Variants in ARHGAP28 observed in about 807,000 individuals in gnomAD.
ARHGAP28 encodes rho GTPase-activating protein 28.
A neutral mutation model predicts 90.7 loss-of-function variants in ARHGAP28; 56 were observed. That is an observed-to-expected ratio of 0.62 (90% CI 0.50 to 0.77). The LOEUF is 0.77. Ranked by LOEUF, ARHGAP28 falls within the 30% of genes least tolerant of loss-of-function variation. ARHGAP28 has a pLI of 0.00. For missense variants in ARHGAP28, 869 were observed against 900.9 expected (o/e 0.96, Z 0.45); for synonymous variants, 308 against 323.3 (o/e 0.95, Z 0.51).
At chr18:6,839,370 T>G (rs985919613) in intron 3 of ARHGAP28, among the ~76,000 whole-genome samples, 3 of 149,834 alleles carry the variant, frequency 2.0e-5, no homozygotes, top group African/African-American at 4.9e-5. Flanking sequence ...CTCGGCTCAC[T>G]GCAAGCTCCG....
chr18:6,868,201 G>C lies in ARHGAP28; in HGVS notation c.778G>C (p.Glu260Gln), dbSNP rs1175364088. ...ACCAGTTCATTCCAATGGATCACCG[G>C]AGCCTGGACAGCCAGTTCAGAATGC... ...VLPVHSNGSP[E>Q]PGQPVQNAIS... The change falls in exon 6 of 18, where the codon GAG becomes CAG. Residue 260 changes from glutamate (E) to glutamine (Q), a missense_variant. Glu to Gln is a conservative substitution (Grantham distance 29). Coordinates refer to ENST00000383472, the MANE Select transcript of ARHGAP28 (RefSeq NM_001366230.1). 1 of 1,614,136 alleles carries C rather than the reference G, an allele frequency of 6.2e-7. No homozygotes were observed. The highest frequency in any genetic ancestry group is 8.5e-7 in the Non-Finnish European group (1 of 1,180,008).
At chr18:6,801,829 G>A (rs916897550) in intron 1 of ARHGAP28, among the ~76,000 whole-genome samples, 16 of 151,954 alleles carry the variant, frequency 1.1e-4, no homozygotes, top group African/African-American at 2.7e-4. Flanking sequence ...ATAGCCCACC[G>A]GTCACCTTAC....
Position 6,914,912 on chromosome 18 carries a change from A to T in ARHGAP28, c.*2758A>T, listed in dbSNP as rs1380481664. ...TCTTGGAGTCAATGATCTCTAAACA[A>T]ACTGGATTATCAACTATTTACAACG... On this transcript the variant is annotated 3_prime_UTR_variant, in exon 18 of 18. Transcript: ENST00000383472. 6.6e-6 allele frequency: 1 copy of T among 152,612 alleles called. No individual in the cohort carries two copies. The highest frequency in any genetic ancestry group is 2.4e-5 in the African/African-American group (1 of 41,450). 9.5% of individuals were successfully genotyped at this position (152,612 alleles called of 1,614,324 possible). A position where few individuals can be genotyped will look rare whatever the true frequency, so the allele number is the denominator to read the frequency against.
intron 1 of ARHGAP28, among the ~76,000 whole-genome samples, chr18:6,734,351 A>G (rs1249125294): frequency 6.6e-6 from 1 of 152,172 alleles, no homozygotes. Context: ...AAGGTATAGT[A>G]GAAAATGGCC....
chr18:6,908,798 GAAAAAC>G (rs751765900), intron 16 of ARHGAP28, among the ~76,000 whole-genome samples, 156 bp from the exon 17 acceptor site: 8 of 152,206 alleles, frequency 5.3e-5, no homozygotes, highest in Non-Finnish European at 7.3e-5. Context: ...GTGTCAGACG[GAAAAAC>G]AATTATTTTT....
At chr18:6,910,914 G>T (rs1460468565) in intron 17 of ARHGAP28, among the ~76,000 whole-genome samples, 1 of 151,314 alleles carries the variant, frequency 6.6e-6, no homozygotes, top group Non-Finnish European at 1.5e-5. Context: ...GCGCGATCTC[G>T]GCTCACTGCA....
At chr18:6,785,553 CTTGGA>C (rs1465617175) in intron 1 of ARHGAP28, among the ~76,000 whole-genome samples, 2 of 152,170 alleles carry the variant, frequency 1.3e-5, no homozygotes, top group Admixed American at 6.5e-5. Context: ...GCACCTGGGA[CTTGGA>C]TTGGCATCTG....
chr18:6,864,772 A>G (rs2057025541), intron 5 of ARHGAP28, among the ~76,000 whole-genome samples: 1 of 152,108 alleles, frequency 6.6e-6, no homozygotes, highest in African/African-American at 2.4e-5. Context: ...GCAGCCTTGA[A>G]TGACTGGGTT....
chr18:6,774,098 T>C (rs12958531), intron 1 of ARHGAP28: 66,865 of 152,118 alleles, frequency 0.44, 15,859 homozygotes, highest in East Asian at 0.85. Context: ...GTTGAAGCAA[T>C]TTTAATGTGT....
intron 10 of ARHGAP28, among the ~76,000 whole-genome samples, chr18:6,877,678 C>T (rs1009057810): frequency 6.6e-6 from 1 of 152,264 alleles, no homozygotes; most frequent in Admixed American, 6.5e-5. Flanking sequence ...CAGGGAAATG[C>T]CCAACGGCTC....
At chr18:6,859,984 C>A (rs2056985337) in intron 5 of ARHGAP28, 87 bp downstream of exon 5, 3 of 1,140,276 alleles carry the variant, frequency 2.6e-6, no homozygotes, top group Non-Finnish European at 3.9e-6. Flanking sequence ...AGAAGCAATT[C>A]TTTAAAACAT....
intron 17 of ARHGAP28, among the ~76,000 whole-genome samples, chr18:6,911,061 C>A (rs1030291636): frequency 6.6e-6 from 1 of 152,042 alleles, no homozygotes; most frequent in Non-Finnish European, 1.5e-5. Context: ...GTCCCGATCT[C>A]CTGACCTTGT....
chr18:6,828,234 G>T (rs958950753), intron 2 of ARHGAP28, among the ~76,000 whole-genome samples: 2 of 152,162 alleles, frequency 1.3e-5, no homozygotes, highest in Admixed American at 6.5e-5. Context: ...GCCTGCAATC[G>T]CAGGCACTCG....
chr18:6,826,993 C>T (rs1316817345), intron 2 of ARHGAP28, among the ~76,000 whole-genome samples: 1 of 152,162 alleles, frequency 6.6e-6, no homozygotes, highest in African/African-American at 2.4e-5. Flanking sequence ...TCAGAGAGCA[C>T]AGGGTTGGGG....
At chr18:6,806,949 C>T (rs935709205) in intron 1 of ARHGAP28, among the ~76,000 whole-genome samples, 5 of 152,120 alleles carry the variant, frequency 3.3e-5, no homozygotes, top group South Asian at 4.1e-4. Context: ...TTGTTTCTGA[C>T]AAAAACATCT....
chr18:6,826,043 C>T (rs913462784), intron 2 of ARHGAP28, among the ~76,000 whole-genome samples: 1 of 151,618 alleles, frequency 6.6e-6, no homozygotes, highest in Non-Finnish European at 1.5e-5. Context: ...CTGCTTTCCA[C>T]AGTGGCTGAA....
chr18:6,850,816 G>C, intron 3 of ARHGAP28: 1 of 1,522,902 alleles, frequency 6.6e-7, no homozygotes, highest in Non-Finnish European at 8.7e-7. Context: ...GTTTGCTTCT[G>C]AGACGAATTC....
At chr18:6,864,885 A>G (rs915458368) in intron 5 of ARHGAP28, among the ~76,000 whole-genome samples, 1 of 151,988 alleles carries the variant, frequency 6.6e-6, no homozygotes, top group Non-Finnish European at 1.5e-5. Context: ...AGGTCTTGCT[A>G]TATTGCCCAG....
rs1567970124 is a variant in ARHGAP28 at position 6,851,098 on chromosome 18, C to T, written c.608C>T (p.Pro203Leu). Residue 203 changes from proline (P) to leucine (L), a missense_variant, in exon 4 of 18, where the codon CCA (proline) becomes CTA (leucine). Physicochemically the swap from Pro to Leu is moderately conservative, Grantham distance 98. Coordinates refer to ENST00000383472, the MANE Select transcript of ARHGAP28 (RefSeq NM_001366230.1). ...LDGTKEEREL[P>L]RVIKTSGSMP... ...GGCACCAAGGAAGAAAGAGAGCTTC[C>T]AAGAGTTATCAAGACAAGTGGTTCC... 1.9e-6 allele frequency: 3 copies of T among 1,613,870 alleles called. No homozygotes were observed. Among genetic ancestry groups the T allele is most frequent in the Non-Finnish European group, 2.5e-6 (3 of 1,179,990 alleles).
Sources: allele counts gnomAD v4.1 joint callset (sites outside exome capture counted in the v4.1 genomes callset), GRCh38; gene constraint gnomAD v4.1.1; transcripts MANE v1.5; gene names NCBI Gene and HGNC (gene_info 2026-07-23, HGNC 2026-07-21).